The following TNPO3 variants were observed in gnomAD, a reference collection of about 807,000 sequenced individuals.
The protein encoded by TNPO3 is transportin 3, also known as transportin-3.
In TNPO3, 65 loss-of-function variants were observed where a neutral mutation model predicts 122.8. That is an observed-to-expected ratio of 0.53 (90% CI 0.43 to 0.65). TNPO3 has a LOEUF of 0.65. Among genes scored for constraint, TNPO3 ranks in the 30% least tolerant of loss-of-function variants. The pLI is 0.00. For missense variants in TNPO3, 850 were observed against 1,136.7 expected (o/e 0.75, Z 3.63); for synonymous variants, 372 against 411.2 (o/e 0.90, Z 1.15).
chr7:129,003,664 G>A (rs1375175639), intron 5 of TNPO3, among the ~76,000 whole-genome samples: 1 of 151,952 alleles, frequency 6.6e-6, no homozygotes, highest in East Asian at 1.9e-4. Context: ...GAGACACCCT[G>A]ACTCCCTGTG....
At chr7:128,993,462 A>G (rs780138846) in intron 9 of TNPO3, among the ~76,000 whole-genome samples, 15 of 152,328 alleles carry the variant, frequency 9.8e-5, no homozygotes, top group Middle Eastern at 3.4e-3. Context: ...ACTAAAGCAG[A>G]AACACTTGCC....
chr7:128,986,174 A>G (rs928385581), intron 12 of TNPO3, among the ~76,000 whole-genome samples: 8 of 152,248 alleles, frequency 5.3e-5, no homozygotes, highest in African/African-American at 1.4e-4. Flanking sequence ...AATAGCTACC[A>G]TGCTTAAAGG....
intron 21 of TNPO3, among the ~76,000 whole-genome samples, chr7:128,964,479 G>A (rs1490984508): frequency 2.0e-5 from 3 of 152,070 alleles, no homozygotes; most frequent in East Asian, 3.9e-4. Flanking sequence ...GGGACTACAG[G>A]TGCCCACCAC....
Position 129,054,606 on chromosome 7 carries a change from C to T in TNPO3, c.120+45G>A, listed in dbSNP as rs200008301. On this transcript the variant is annotated intron_variant, in intron 1 of 22. Coordinates refer to ENST00000265388, the MANE Select transcript of TNPO3 (RefSeq NM_012470.4). The stretch of plus-strand genomic sequence containing the variant: ...TCTCCCCCGGAGCCTAGGTTCCACC[C>T]CGCCCCGGCCGTGCGGCACAGAACT... 6.2e-6 allele frequency: 10 copies of T among 1,608,718 alleles called. No individual in the cohort carries two copies. In the Admixed American group the frequency reaches 1.2e-4, roughly 19 times the overall value.
At chr7:128,961,132 A>C (rs1797410667) in intron 21 of TNPO3, among the ~76,000 whole-genome samples, 1 of 152,150 alleles carries the variant, frequency 6.6e-6, no homozygotes, top group Non-Finnish European at 1.5e-5. Flanking sequence ...CAGTATCTAT[A>C]AAAAGTCTAC....
In TNPO3 at chr7:129,017,944, G is replaced by A; in HGVS notation, c.321+13C>T. 6.2e-7 allele frequency: 1 copy of A among 1,613,406 alleles called. No individual in the cohort carries two copies. Among genetic ancestry groups the A allele is most frequent in the Admixed American group, 1.7e-5 (1 of 60,022 alleles). ...GCCATACAAATTTCTCTAATGAGAA[G>A]CACAGGATTTACCTGCGTTACAATA... is the stretch of plus-strand genomic sequence containing the variant. On this transcript the variant is annotated intron_variant, in intron 2 of 22. Coordinates refer to ENST00000265388, the MANE Select transcript of TNPO3 (RefSeq NM_012470.4).
At chr7:128,984,647 A>T (rs1485485061) in intron 12 of TNPO3, among the ~76,000 whole-genome samples, 1 of 152,212 alleles carries the variant, frequency 6.6e-6, no homozygotes, top group Non-Finnish European at 1.5e-5. Context: ...AGCAATTCTT[A>T]TCACAAGAGA....
chr7:128,988,424 A>T (rs1231543435), intron 11 of TNPO3, among the ~76,000 whole-genome samples: 1 of 152,196 alleles, frequency 6.6e-6, no homozygotes, highest in Non-Finnish European at 1.5e-5. Context: ...TCTAGGAATC[A>T]AAAGACCTAG....
intron 8 of TNPO3, 33 bp downstream of exon 8, chr7:128,997,356 T>G: frequency 6.2e-7 from 1 of 1,607,116 alleles, no homozygotes; most frequent in East Asian, 2.2e-5. Context: ...GAGGAAGAAA[T>G]TAAGATTTGA....
In TNPO3 at chr7:128,955,161, A is replaced by G. The variant is rs988622652; in HGVS notation, c.*256T>C. On this transcript the variant is annotated 3_prime_UTR_variant, in exon 23 of 23. Transcript: ENST00000265388. Reference sequence around the variant, plus strand: ...TCACCAGGAAACCAGCTCCCCTCCCACCACGCCGGGCAGGCCACAGCCATC... The same window carrying G: ...TCACCAGGAAACCAGCTCCCCTCCCGCCACGCCGGGCAGGCCACAGCCATC... 1 of 303,348 alleles carries G rather than the reference A, an allele frequency of 3.3e-6. No individual in the cohort carries two copies. Among genetic ancestry groups the G allele is most frequent in the African/African-American group, 2.3e-5 (1 of 42,816 alleles). 18.8% of individuals were successfully genotyped at this position (303,348 alleles called of 1,614,324 possible). A position where few individuals can be genotyped will look rare whatever the true frequency, so the allele number is the denominator to read the frequency against.
rs1798324013 is a variant in TNPO3 at position 128,970,244 on chromosome 7, G to A, written c.2502C>T (p.Val834=). 1 of 1,613,966 alleles carries A rather than the reference G, an allele frequency of 6.2e-7. No homozygotes were observed. The highest frequency in any genetic ancestry group is 8.5e-7 in the Non-Finnish European group (1 of 1,179,888). Residue 834 remains valine, a synonymous_variant, in exon 20 of 23, where the codon GTC becomes GTT. Coordinates refer to ENST00000265388, the MANE Select transcript of TNPO3 (RefSeq NM_012470.4). ...QVMNQLGQQL[V]SQLLHTCCFC... is the part of the protein sequence containing the mutation. Reference sequence around the variant, plus strand: ...AGCAGCAGGTGTGCAGCAGCTGGCTGACAAGCTGCTGTCCAAGCTGGTTCA... The same window carrying A: ...AGCAGCAGGTGTGCAGCAGCTGGCTAACAAGCTGCTGTCCAAGCTGGTTCA...
Position 129,042,080 on chromosome 7 carries a change from A to G in TNPO3, c.120+12571T>C, listed in dbSNP as rs138565022. On this transcript the variant is annotated intron_variant, in intron 1 of 22. Transcript: ENST00000265388. Reference sequence around the variant, plus strand: ...CCTAAGGACTCATTAGCTGCCAAGAATTAGAAGCAGATTACAGCTGCTAGT... The same window carrying G: ...CCTAAGGACTCATTAGCTGCCAAGAGTTAGAAGCAGATTACAGCTGCTAGT... Among the ~76,000 whole-genome samples, 4 of 152,342 alleles carry G rather than the reference A, an allele frequency of 2.6e-5. No individual in the cohort carries two copies. In the East Asian group the frequency reaches 7.7e-4, roughly 29 times the overall value.
At chr7:128,984,136 AT>A in intron 13 of TNPO3, 31 bp downstream of exon 13, 1 of 1,377,430 alleles carries the variant, frequency 7.3e-7, no homozygotes, top group African/African-American at 1.4e-5. Flanking sequence ...AACATCTTAT[AT>A]TTGTTTCACA....
chr7:129,039,978 G>C (rs1807167504), intron 1 of TNPO3, among the ~76,000 whole-genome samples: 1 of 152,202 alleles, frequency 6.6e-6, no homozygotes, highest in African/African-American at 2.4e-5. Flanking sequence ...TGTCCAGCTG[G>C]GCATGGTGGC....
chr7:129,047,229 TA>T (rs1342869825), intron 1 of TNPO3, among the ~76,000 whole-genome samples: 1 of 152,234 alleles, frequency 6.6e-6, no homozygotes, highest in Non-Finnish European at 1.5e-5. Context: ...ATTGTCTCTG[TA>T]AAAGTTATCT....
chr7:129,053,352 G>C (rs1031061111), intron 1 of TNPO3, among the ~76,000 whole-genome samples: 2 of 151,004 alleles, frequency 1.3e-5, no homozygotes, highest in Non-Finnish European at 2.9e-5. Flanking sequence ...AAAATTAGTC[G>C]GGTGTCAGGG....
intron 4 of TNPO3, among the ~76,000 whole-genome samples, chr7:129,010,601 G>A (rs1803081464): frequency 6.6e-6 from 1 of 152,082 alleles, no homozygotes; most frequent in African/African-American, 2.4e-5. Flanking sequence ...TTACAAAGGA[G>A]GAAAGTGAAC....
Position 128,972,413 on chromosome 7 carries a change from T to C in TNPO3, c.2430+13A>G. ...AAGCTGTTAAGTAGAAATGGTATCA[T>C]TTTTATACTTACATCATTGGCTACC... is the stretch of plus-strand genomic sequence containing the variant. On this transcript the variant is annotated intron_variant, in intron 19 of 22. Coordinates refer to ENST00000265388, the MANE Select transcript of TNPO3 (RefSeq NM_012470.4). 3 of 1,606,236 alleles carry C rather than the reference T, an allele frequency of 1.9e-6. No homozygotes were observed. The highest frequency in any genetic ancestry group is 2.2e-5 in the East Asian group (1 of 44,768).
At position 128,978,914 on chromosome 7, in the gene TNPO3, G is replaced by C. The variant is rs181493838; in HGVS notation, c.2061+69C>G. ...CCCAAAGTGCTGGGATTACAGACGT[G>C]AGCCACCGCACCCTGCCTATTTCAA... On this transcript the variant is annotated intron_variant, in intron 16 of 22. Transcript: ENST00000265388. 631 of 1,573,310 alleles carry C rather than the reference G, an allele frequency of 4.0e-4. 3 individuals carry two copies. Among genetic ancestry groups the C allele is most frequent in the Middle Eastern group, 6.8e-4 (4 of 5,856 alleles).
Sources: gnomAD v4.1 joint callset for allele counts (sites outside exome capture counted in the v4.1 genomes callset) on GRCh38, gnomAD v4.1.1 for gene constraint, MANE v1.5 for transcripts, NCBI Gene and HGNC (gene_info 2026-07-23, HGNC 2026-07-21) for gene names.